The following PAOX variants were observed in gnomAD, a reference collection of about 807,000 sequenced individuals.
PAOX encodes the protein peroxisomal N(1)-acetyl-spermine/spermidine oxidase.
PAOX carries 38 observed loss-of-function variants against 39.0 expected under a neutral mutation model. The ratio of observed to expected loss-of-function variants is 0.97; its 90% confidence interval spans 0.75 to 1.28. The LOEUF (loss-of-function observed/expected upper bound fraction) is 1.28. PAOX is among the 50% of genes most tolerant of loss of function. PAOX has a pLI of 0.00. For missense variants in PAOX, 667 were observed against 685.7 expected (o/e 0.97, Z 0.30); for synonymous variants, 311 against 314.4 (o/e 0.99, Z 0.11).
At chr10:133,391,212 T>C (rs1292563959) in intron 6 of PAOX, 100 bp from the exon 7 acceptor site, 2 of 1,248,058 alleles carry the variant, frequency 1.6e-6, no homozygotes, top group East Asian at 4.6e-5. Context: ...GCTGTTTTCC[T>C]GCTTCTTGGT....
At position 133,391,385 on chromosome 10, in the gene PAOX, G is replaced by C. The variant is rs372117810; in HGVS notation, c.1466G>C (p.Gly489Ala). The change falls in exon 7 of 7, where the codon GGA becomes GCA. Residue 489 changes from glycine (G) to alanine (A), a missense_variant. Coordinates refer to ENST00000278060, the MANE Select transcript of PAOX (RefSeq NM_152911.4). ...ACGACGCACGGGGCTCTGCTGTCGG[G>C]ATGGAGGGAGGCCGACCGCCTCCTC... Reference protein sequence around the residue: ...YSTTHGALLSGWREADRLLSL... With the variant: ...YSTTHGALLSAWREADRLLSL... The C allele has an allele frequency of 1.3e-5, 21 of 1,613,270 alleles. No homozygotes were observed. Among genetic ancestry groups the C allele is most frequent in the Non-Finnish European group, 2.5e-6 (3 of 1,180,048 alleles).
intron 4 of PAOX, 112 bp from the exon 5 acceptor site, chr10:133,388,844 C>T (rs866249418): frequency 1.7e-5 from 3 of 176,532 alleles, no homozygotes; most frequent in South Asian, 1.7e-4. Context: ...TCTCTTTCTC[C>T]ATGCAGGTCT....
chr10:133,382,988 G>A (rs973486211), intron 3 of PAOX: 17 of 152,134 alleles, frequency 1.1e-4, no homozygotes, highest in Non-Finnish European at 7.3e-5. Context: ...GACATTGTCA[G>A]TAGATACATT....
intron 2 of PAOX, 145 bp from the exon 3 acceptor site, chr10:133,381,315 G>A (rs949603687): frequency 1.4e-6 from 1 of 731,290 alleles, no homozygotes; most frequent in Non-Finnish European, 2.3e-6. Context: ...CCACAGAGTG[G>A]AGCTGACCTC....
In PAOX at chr10:133,389,043, C is replaced by CGCTGGGTGAGA. The variant is rs768774165; in HGVS notation, c.1209_1210insGCTGGGTGAGA (p.Thr404AlafsTer3). 3.1e-6 allele frequency: 5 copies of CGCTGGGTGAGA among 1,613,918 alleles called. No individual in the cohort carries two copies. The African/African-American group carries it at 6.7e-5, about 22-fold the overall frequency. On this transcript the variant is annotated stop_gained and frameshift_variant, in exon 5 of 7. Coordinates refer to ENST00000278060, the MANE Select transcript of PAOX (RefSeq NM_152911.4). LOFTEE classifies it high-confidence loss of function. ...CGGATGAAGAAGTACTTCTGTGTCTCACCCAAGTGCTCCGGAGAGTGACAG... is the reference window on the plus strand; with the variant it reads ...CGGATGAAGAAGTACTTCTGTGTCTCGCTGGGTGAGAACCCAAGTGCTCCGGAGAGTGACAG...
Position 133,388,950 on chromosome 10 carries a change from A to G in PAOX, c.1122-6A>G, listed in dbSNP as rs189432212. 6.9e-6 allele frequency: 11 copies of G among 1,603,052 alleles called. No homozygotes were observed. The East Asian group carries it at 2.2e-4, about 33-fold the overall frequency. ...GGTCATCCCAGGGCTCTCTTTCTCCATGCAGGTCTGTCCACGTTCTCTGTG... is the reference window on the plus strand; with the variant it reads ...GGTCATCCCAGGGCTCTCTTTCTCCGTGCAGGTCTGTCCACGTTCTCTGTG... On this transcript the variant is annotated splice_polypyrimidine_tract_variant and splice_region_variant and intron_variant, in intron 4 of 6. Coordinates refer to ENST00000278060, the MANE Select transcript of PAOX (RefSeq NM_152911.4).
intron 4 of PAOX, among the ~76,000 whole-genome samples, chr10:133,386,268 G>T (rs993823128): frequency 6.6e-6 from 1 of 151,906 alleles, no homozygotes; most frequent in Admixed American, 6.6e-5. Flanking sequence ...CAAGTGATCC[G>T]CCCACCTTGG....
chr10:133,381,789 G>A, intron 3 of PAOX, 130 bp downstream of exon 3: 1 of 868,276 alleles, frequency 1.2e-6, no homozygotes, highest in Non-Finnish European at 1.8e-6. Flanking sequence ...GTTCCAGATA[G>A]GTGGAAGGAA....
chr10:133,382,403 G>A (rs976927506), intron 3 of PAOX, among the ~76,000 whole-genome samples: 2 of 152,160 alleles, frequency 1.3e-5, no homozygotes, highest in African/African-American at 2.4e-5. Flanking sequence ...TGTCTCCAAG[G>A]GGTGGCTTTG....
chr10:133,385,219 C>G (rs1036409212), intron 4 of PAOX, among the ~76,000 whole-genome samples: 3 of 152,146 alleles, frequency 2.0e-5, no homozygotes, highest in Non-Finnish European at 4.4e-5. Flanking sequence ...TCGCTTGAAC[C>G]TGGGAGGCAG....
At chr10:133,380,615 C>G in intron 2 of PAOX, 130 bp downstream of exon 2, 1 of 1,268,378 alleles carries the variant, frequency 7.9e-7, no homozygotes, top group South Asian at 1.6e-5. Flanking sequence ...TTCCGACAGA[C>G]TGGTTGCTCC....
chr10:133,390,822 T>TTC, intron 6 of PAOX: 1 of 536,436 alleles, frequency 1.9e-6, no homozygotes, highest in Non-Finnish European at 3.4e-6. Flanking sequence ...GACTCCCAGA[T>TTC]CCCTCCCCCA....
intron 4 of PAOX, among the ~76,000 whole-genome samples, chr10:133,388,493 C>A (rs1459308653): frequency 6.6e-6 from 1 of 152,232 alleles, no homozygotes; most frequent in Non-Finnish European, 1.5e-5. Flanking sequence ...ATTTTGTAAC[C>A]CTCATGTGCA....
Position 133,391,370 on chromosome 10 carries a change from G to A in PAOX, c.1451G>A (p.Gly484Glu). 8 of 1,613,498 alleles carry A rather than the reference G, an allele frequency of 5.0e-6. No homozygotes were observed. Among genetic ancestry groups the A allele is most frequent in the Non-Finnish European group, 6.8e-6 (8 of 1,180,038 alleles). ...CGCACGTTTTACTCCACGACGCACG[G>A]GGCTCTGCTGTCGGGATGGAGGGAG... Reference protein sequence around the residue: ...THRTFYSTTHGALLSGWREAD... With the variant: ...THRTFYSTTHEALLSGWREAD... The change falls in exon 7 of 7, where the codon GGG (glycine) becomes GAG (glutamate). Residue 484 changes from glycine (G) to glutamate (E), a missense_variant. Coordinates refer to ENST00000278060, the MANE Select transcript of PAOX (RefSeq NM_152911.4).
intron 4 of PAOX, among the ~76,000 whole-genome samples, chr10:133,387,863 G>A (rs1444484556): frequency 6.6e-6 from 1 of 152,216 alleles, no homozygotes; most frequent in Non-Finnish European, 1.5e-5. Flanking sequence ...TGGGACTACA[G>A]GTGCCCGCCA....
chr10:133,385,389 C>T (rs1041685352), intron 4 of PAOX, among the ~76,000 whole-genome samples: 53 of 151,952 alleles, frequency 3.5e-4, no homozygotes, highest in Admixed American at 3.4e-3. Context: ...GTAGAGCCAC[C>T]TGCTCCAGGC....
rs752606050 is a variant in PAOX at position 133,389,762 on chromosome 10, C to T, written c.1392+15C>T. The T allele has an allele frequency of 1.4e-6, 2 of 1,473,764 alleles. No individual in the cohort carries two copies. The highest frequency in any genetic ancestry group is 2.6e-5 in the East Asian group (1 of 39,090). The allele number at this position is 1,473,764 out of a possible 1,614,324, so 91.3% of individuals were successfully genotyped here. A position where few individuals can be genotyped will look rare whatever the true frequency, so the allele number is the denominator to read the frequency against. The stretch of plus-strand genomic sequence containing the variant: ...CCGGCGCCCAGGTATGTGGCGTGCC[C>T]CAGTCGGGGGGCGTGGGTCCCGCTG... On this transcript the variant is annotated intron_variant, in intron 6 of 6. Coordinates refer to ENST00000278060, the MANE Select transcript of PAOX (RefSeq NM_152911.4).
intron 3 of PAOX, among the ~76,000 whole-genome samples, chr10:133,383,422 G>A (rs1849448237): frequency 6.6e-6 from 1 of 151,720 alleles, no homozygotes; most frequent in Non-Finnish European, 1.5e-5. Context: ...AACCAACATG[G>A]CAAGACCCCA....
At chr10:133,379,535 C>A in intron 1 of PAOX, 38 bp downstream of exon 1, 1 of 1,222,324 alleles carries the variant, frequency 8.2e-7, no homozygotes, top group South Asian at 4.2e-5. Context: ...GGAACCCAAC[C>A]GGCTGCGCCC....
Sources: gnomAD v4.1 joint callset for allele counts (sites outside exome capture counted in the v4.1 genomes callset) on GRCh38, gnomAD v4.1.1 for gene constraint, MANE v1.5 for transcripts, NCBI Gene and HGNC (gene_info 2026-07-23, HGNC 2026-07-21) for gene names.